The following MAP4K1 variants were observed in gnomAD, a reference collection of about 807,000 sequenced individuals.
MAP4K1 encodes MAPK/ERK kinase kinase kinase 1.
A neutral mutation model predicts 122.8 loss-of-function variants in MAP4K1; 35 were observed. The ratio of observed to expected loss-of-function variants is 0.29; its 90% confidence interval spans 0.22 to 0.38. The LOEUF (loss-of-function observed/expected upper bound fraction) is 0.38, where lower values mean the gene tolerates loss of function less well. MAP4K1 is among the 10% of genes least tolerant of loss of function. The probability of loss-of-function intolerance (pLI) is 1.00; values close to 1 mark genes in which losing one functional copy is unlikely to be tolerated. For missense variants in MAP4K1, 791 were observed against 1,072.6 expected (o/e 0.74, Z 3.67); for synonymous variants, 412 against 421.3 (o/e 0.98, Z 0.27).
chr19:38,590,472 T>TTTG (rs751240357), intron 30 of MAP4K1, among the ~76,000 whole-genome samples: 48 of 138,428 alleles, frequency 3.5e-4, no homozygotes, highest in African/African-American at 1.2e-3. Context: ...GGTGAAATTT[T>TTTG]TTGTTGTTGT....
At chr19:38,600,257 C>A in intron 20 of MAP4K1, 104 bp from the exon 21 acceptor site, 5 of 906,656 alleles carry the variant, frequency 5.5e-6, no homozygotes, top group South Asian at 1.4e-5. Flanking sequence ...CCAGCTCTGA[C>A]CCTCTATTCT....
chr19:38,602,439 T>TAC (rs940912659), intron 19 of MAP4K1, among the ~76,000 whole-genome samples: 7 of 146,446 alleles, frequency 4.8e-5, no homozygotes, highest in South Asian at 2.2e-4. Flanking sequence ...CACATATATA[T>TAC]ACACACACAC....
At chr19:38,594,431 G>A (rs989654475) in intron 29 of MAP4K1, among the ~76,000 whole-genome samples, 1 of 152,114 alleles carries the variant, frequency 6.6e-6, no homozygotes, top group Non-Finnish European at 1.5e-5. Context: ...CTTGAGGTCA[G>A]GAGTTCGAGA....
At chr19:38,612,129 A>T (rs1028280509) in intron 9 of MAP4K1, among the ~76,000 whole-genome samples, 4 of 151,024 alleles carry the variant, frequency 2.6e-5, no homozygotes, top group Non-Finnish European at 5.9e-5. Context: ...AAATAAAAAT[A>T]AATAAATAGG....
chr19:38,602,779 CAT>C (rs1491242146), intron 19 of MAP4K1, among the ~76,000 whole-genome samples: 74 of 144,122 alleles, frequency 5.1e-4, no homozygotes, highest in Admixed American at 1.8e-3. Context: ...CATATATACA[CAT>C]ATACATATAT....
Position 38,595,562 on chromosome 19 carries a change from A to G in MAP4K1, c.2270-7T>C. The G allele has an allele frequency of 6.2e-7, 1 of 1,614,080 alleles. No individual in the cohort carries two copies. Among genetic ancestry groups the G allele is most frequent in the Non-Finnish European group, 8.5e-7 (1 of 1,180,006 alleles). On this transcript the variant is annotated splice_polypyrimidine_tract_variant and splice_region_variant and intron_variant, in intron 28 of 30. Coordinates refer to ENST00000396857, the MANE Select transcript of MAP4K1 (RefSeq NM_001042600.3). ...AGCTGACCTCCAACCATAGCTGGGGAGAAAGCAATGCCCGTTACCCTTGGG... is the reference window on the plus strand; with the variant it reads ...AGCTGACCTCCAACCATAGCTGGGGGGAAAGCAATGCCCGTTACCCTTGGG...
intron 8 of MAP4K1, 72 bp from the exon 9 acceptor site, chr19:38,612,814 AAGG>A: frequency 6.4e-7 from 1 of 1,559,530 alleles, no homozygotes; most frequent in Non-Finnish European, 8.7e-7. Context: ...AGAGAAGGAG[AAGG>A]AGTTGAGGGG....
intron 26 of MAP4K1, 86 bp from the exon 27 acceptor site, chr19:38,596,087 A>G: frequency 7.0e-7 from 1 of 1,424,988 alleles, no homozygotes; most frequent in Non-Finnish European, 9.9e-7. Flanking sequence ...CCTGTGCTTT[A>G]GCCACCGCCT....
In MAP4K1 at chr19:38,587,734, AC is replaced by A; in HGVS notation, c.*13del. On this transcript the variant is annotated 3_prime_UTR_variant, in exon 31 of 31. Transcript: ENST00000396857. ...GGGGGTGCAAGGACTAGTTCCTGACACCCCCCTAGGGACTCATTCCTGGATG... is the reference window on the plus strand; with the variant it reads ...GGGGGTGCAAGGACTAGTTCCTGACACCCCCTAGGGACTCATTCCTGGATG... 6.2e-7 allele frequency: 1 copy of A among 1,609,540 alleles called. No homozygotes were observed. The highest frequency in any genetic ancestry group is 8.5e-7 in the Non-Finnish European group (1 of 1,176,134).
rs75185432 is a variant in MAP4K1 at position 38,599,850 on chromosome 19, C to T, written c.1669+75G>A. ...GTCTAAGTTTTTTTTCAGCTGTGCC[C>T]GTCTACTTCCCAGCCCCCGAACCCT... is the stretch of plus-strand genomic sequence containing the variant. On this transcript the variant is annotated intron_variant, in intron 22 of 30. Coordinates refer to ENST00000396857, the MANE Select transcript of MAP4K1 (RefSeq NM_001042600.3). 581 of 1,401,010 alleles carry T rather than the reference C, an allele frequency of 4.1e-4. 2 individuals are homozygous for T. Among genetic ancestry groups the T allele is most frequent in the African/African-American group, 3.5e-3 (246 of 70,576 alleles). The allele number at this position is 1,401,010 out of a possible 1,614,324, so 86.8% of individuals were successfully genotyped here.
chr19:38,605,624 C>T lies in MAP4K1; in HGVS notation c.1307G>A (p.Ser436Asn). The T allele has an allele frequency of 6.3e-7, 1 of 1,583,422 alleles. No homozygotes were observed. Among genetic ancestry groups the T allele is most frequent in the Non-Finnish European group, 8.6e-7 (1 of 1,166,618 alleles). The change falls in exon 18 of 31, where the codon AGC becomes AAC. Residue 436 changes from serine (S) to asparagine (N), a missense_variant. By Grantham distance (46) the Ser-to-Asn change is conservative. Coordinates refer to ENST00000396857, the MANE Select transcript of MAP4K1 (RefSeq NM_001042600.3). The part of the protein sequence containing the change: ...VRCASGPPPN[S>N]PRPGPPPSTS... ...GGATGGGGGAGGCCCAGGACGGGGG[C>T]TGTTTGGTGGGGGCCCACTGGCACA...
intron 19 of MAP4K1, among the ~76,000 whole-genome samples, chr19:38,603,059 C>CAT (rs565479894): frequency 0.061 from 6,564 of 107,024 alleles, 1,490 homozygotes; most frequent in East Asian, 0.17. Flanking sequence ...TACGCATATA[C>CAT]ATATACACAT....
At chr19:38,602,521 C>A (rs564971222) in intron 19 of MAP4K1, among the ~76,000 whole-genome samples, 3 of 147,536 alleles carry the variant, frequency 2.0e-5, no homozygotes, top group Admixed American at 6.7e-5. Flanking sequence ...TACATATATA[C>A]GCATATACAT....
chr19:38,605,537 T>C (rs1975299560), intron 18 of MAP4K1, 31 bp downstream of exon 18: 1 of 924,140 alleles, frequency 1.1e-6, no homozygotes. Flanking sequence ...CCCCCAACCC[T>C]CCCGCCCTCC....
At position 38,605,745 on chromosome 19, in the gene MAP4K1, A is replaced by G. The variant is rs1975310046; in HGVS notation, c.1201-15T>C. On this transcript the variant is annotated splice_polypyrimidine_tract_variant and intron_variant, in intron 17 of 30. Coordinates refer to ENST00000396857, the MANE Select transcript of MAP4K1 (RefSeq NM_001042600.3). ...CGGAACTTGGGCTTTGGAGACGGGA[A>G]TGGAGCGTGGGGAAATACATCAGAT... 6.2e-7 allele frequency: 1 copy of G among 1,600,834 alleles called. No individual in the cohort carries two copies. Among genetic ancestry groups the G allele is most frequent in the Non-Finnish European group, 8.5e-7 (1 of 1,176,758 alleles).
intron 8 of MAP4K1, among the ~76,000 whole-genome samples, 200 bp from the exon 9 acceptor site, chr19:38,612,942 AG>A (rs1186778140): frequency 6.6e-6 from 1 of 152,166 alleles, no homozygotes; most frequent in Admixed American, 6.6e-5. Flanking sequence ...CTGTAATCCC[AG>A]CACTTTGGGA....
In MAP4K1 at chr19:38,607,858, A is replaced by T; in HGVS notation, c.1157+6T>A. ...CCTGTGGAGCTGCAGGCAGGGCCTCACTTACATGTCCACGTCGTCATAGTC... is the reference window on the plus strand; with the variant it reads ...CCTGTGGAGCTGCAGGCAGGGCCTCTCTTACATGTCCACGTCGTCATAGTC... On this transcript the variant is annotated splice_donor_region_variant and intron_variant, in intron 16 of 30. Transcript: ENST00000396857. 6.2e-7 allele frequency: 1 copy of T among 1,610,790 alleles called. No homozygotes were observed. Among genetic ancestry groups the T allele is most frequent in the Non-Finnish European group, 8.5e-7 (1 of 1,178,752 alleles).
At chr19:38,609,750 T>C in intron 12 of MAP4K1, 76 bp from the exon 13 acceptor site, 1 of 1,408,474 alleles carries the variant, frequency 7.1e-7, no homozygotes, top group South Asian at 1.3e-5. Context: ...CCATCTGCTC[T>C]CTCCTGTAAC....
chr19:38,593,895 G>A (rs1974797315), intron 29 of MAP4K1, among the ~76,000 whole-genome samples: 1 of 152,048 alleles, frequency 6.6e-6, no homozygotes, highest in Non-Finnish European at 1.5e-5. Flanking sequence ...AAGAGGGAAG[G>A]AACTGAGTGA....
Sources: gnomAD v4.1 joint callset for allele counts (sites outside exome capture counted in the v4.1 genomes callset) on GRCh38, gnomAD v4.1.1 for gene constraint, MANE v1.5 for transcripts, NCBI Gene and HGNC (gene_info 2026-07-23, HGNC 2026-07-21) for gene names.